Variants in ZC3H18 observed in about 807,000 individuals in gnomAD.
The protein encoded by ZC3H18 is zinc finger CCCH domain-containing protein 18.
Under a neutral mutation model 106.1 loss-of-function variants are expected in ZC3H18, and 8 were observed. The ratio of observed to expected loss-of-function variants is 0.08; its 90% CI spans 0.04 to 0.14. The LOEUF is 0.14. ZC3H18 is among the 10% of genes least tolerant of loss of function. The probability of loss-of-function intolerance (pLI) is 1.00; values close to 1 mark genes in which losing one functional copy is unlikely to be tolerated. For missense variants in ZC3H18, 1,318 were observed against 1,278.4 expected (o/e 1.03, Z -0.47); for synonymous variants, 635 against 522.1 (o/e 1.22, Z -2.95).
intron 7 of ZC3H18, among the ~76,000 whole-genome samples, chr16:88,610,573 G>A (rs1417127178): frequency 6.6e-6 from 1 of 152,314 alleles, no homozygotes; most frequent in Non-Finnish European, 1.5e-5. Context: ...GGCTCGGGGT[G>A]CACCCTGCAT....
At chr16:88,584,483 G>C (rs1191862463) in intron 2 of ZC3H18, among the ~76,000 whole-genome samples, 6 of 151,972 alleles carry the variant, frequency 3.9e-5, no homozygotes, top group African/African-American at 1.5e-4. Context: ...GCTAAATGGT[G>C]GTTAGTTGAA....
At chr16:88,600,648 A>AGTG (rs912943958) in intron 6 of ZC3H18, among the ~76,000 whole-genome samples, 1 of 152,174 alleles carries the variant, frequency 6.6e-6, no homozygotes, top group Non-Finnish European at 1.5e-5. Context: ...CCTGACCTCA[A>AGTG]GTGATCCACC....
chr16:88,583,637 C>T (rs1320547273), intron 2 of ZC3H18, among the ~76,000 whole-genome samples: 1 of 152,196 alleles, frequency 6.6e-6, no homozygotes, highest in Admixed American at 6.5e-5. Flanking sequence ...TGTCCTTTAT[C>T]CACGTGTGTA....
At chr16:88,593,773 A>G (rs1904310514) in intron 3 of ZC3H18, among the ~76,000 whole-genome samples, 1 of 152,236 alleles carries the variant, frequency 6.6e-6, no homozygotes, top group Non-Finnish European at 1.5e-5. Flanking sequence ...AAGGAGAACA[A>G]CGGACAGTGT....
In ZC3H18 at chr16:88,585,901, C is replaced by A. The variant is rs1282397245; in HGVS notation, c.604-699C>A. 2.6e-5 allele frequency among the ~76,000 whole-genome samples: 4 copies of A among 151,996 alleles called. No homozygotes were observed. The East Asian group carries it at 5.8e-4, about 22-fold the overall frequency. On this transcript the variant is annotated intron_variant, in intron 2 of 17. Transcript: ENST00000301011. ...ACTTCCATCTTGGATGGTCCTGTGTCAGGGATGTCAGGTGGGCAGCTGGTG... is the reference window on the plus strand; with the variant it reads ...ACTTCCATCTTGGATGGTCCTGTGTAAGGGATGTCAGGTGGGCAGCTGGTG...
chr16:88,631,343 A>G lies in ZC3H18; in HGVS notation c.*44A>G. The G allele has an allele frequency of 6.4e-7, 1 of 1,550,686 alleles. No individual in the cohort carries two copies. ...TGGACGCATTTTTATACATAGGGTA[A>G]GCGCAGCCATTTTGGATTTTGCAGT... On this transcript the variant is annotated 3_prime_UTR_variant, in exon 18 of 18. Coordinates refer to ENST00000301011, the MANE Select transcript of ZC3H18 (RefSeq NM_144604.4).
intron 2 of ZC3H18, among the ~76,000 whole-genome samples, chr16:88,578,804 C>T (rs972675810): frequency 2.0e-5 from 3 of 152,194 alleles, no homozygotes; most frequent in African/African-American, 4.8e-5. Flanking sequence ...AATTATCCTG[C>T]CTCAGCCTCC....
chr16:88,616,542 G>A (rs1472700090), intron 8 of ZC3H18, among the ~76,000 whole-genome samples: 2 of 152,208 alleles, frequency 1.3e-5, no homozygotes, highest in East Asian at 3.9e-4. Context: ...CCTGCCTGGA[G>A]GACAAGGGTT....
intron 2 of ZC3H18, among the ~76,000 whole-genome samples, chr16:88,584,764 A>T (rs192225561): frequency 6.6e-6 from 1 of 152,108 alleles, no homozygotes; most frequent in African/African-American, 2.4e-5. Flanking sequence ...AGGTGGTTAC[A>T]TTGTTCTCCT....
chr16:88,627,650 G>A lies in ZC3H18; in HGVS notation c.2137G>A (p.Val713Met), dbSNP rs1906395341. Reference protein sequence around the residue: ...RSLSVSSVSSVSSATSSSSSA... With the variant: ...RSLSVSSVSSMSSATSSSSSA... ...CCTGAGCGTGAGCAGCGTCTCCTCAGTGTCCAGTGCTACGTCGAGCAGCAG... is the reference window on the plus strand; with the variant it reads ...CCTGAGCGTGAGCAGCGTCTCCTCAATGTCCAGTGCTACGTCGAGCAGCAG... Residue 713 changes from valine (V) to methionine (M), a missense_variant, in exon 14 of 18, where the codon GTG (valine) becomes ATG (methionine). Transcript: ENST00000301011. This position sits in a 1 kb window ranked among gnomAD's most constrained non-coding sequence, Gnocchi z 4.5. 1.9e-6 allele frequency: 3 copies of A among 1,609,022 alleles called. No homozygotes were observed. Among genetic ancestry groups the A allele is most frequent in the Non-Finnish European group, 2.6e-6 (3 of 1,175,986 alleles).
chr16:88,615,375 C>T (rs2142767025), intron 8 of ZC3H18, among the ~76,000 whole-genome samples: 1 of 152,324 alleles, frequency 6.6e-6, no homozygotes, highest in Admixed American at 6.5e-5. Flanking sequence ...ATCTGGAGCC[C>T]TTGCAGCAGA....
chr16:88,605,462 C>G (rs1413897106), intron 6 of ZC3H18, among the ~76,000 whole-genome samples: 1 of 152,254 alleles, frequency 6.6e-6, no homozygotes, highest in African/African-American at 2.4e-5. Flanking sequence ...CGTCGCTGCT[C>G]CCTTTGTGAG....
At chr16:88,579,168 T>C (rs779027085) in intron 2 of ZC3H18, among the ~76,000 whole-genome samples, 2 of 152,226 alleles carry the variant, frequency 1.3e-5, no homozygotes, top group East Asian at 3.8e-4. Flanking sequence ...AGATGTTTCA[T>C]CTTTCCGCAG....
chr16:88,625,307 G>A (rs768559228), intron 13 of ZC3H18, 40 bp downstream of exon 13: 9 of 1,557,326 alleles, frequency 5.8e-6, no homozygotes, highest in Middle Eastern at 1.7e-4. Context: ...CTCCCTCCCC[G>A]TCGGGGCCAG....
chr16:88,594,922 C>T (rs1270093689), intron 3 of ZC3H18, among the ~76,000 whole-genome samples: 2 of 152,040 alleles, frequency 1.3e-5, no homozygotes, highest in African/African-American at 4.8e-5. Flanking sequence ...GAGGCCGAGG[C>T]GGGCGGATCA....
Position 88,577,579 on chromosome 16 carries a change from T to A in ZC3H18, c.456T>A (p.Ala152=). Residue 152 remains alanine, a synonymous_variant, in exon 2 of 18, where the codon GCT becomes GCA. Coordinates refer to ENST00000301011, the MANE Select transcript of ZC3H18 (RefSeq NM_144604.4). ...VQEDEAEKAG[A]EDDEEKGEGT... ...AGGACGAGGCTGAGAAAGCGGGGGC[T>A]GAGGATGATGAGGAGAAAGGCGAAG... is the stretch of plus-strand genomic sequence containing the variant. 1 of 1,613,212 alleles carries A rather than the reference T, an allele frequency of 6.2e-7. No homozygotes were observed. Among genetic ancestry groups the A allele is most frequent in the African/African-American group, 1.3e-5 (1 of 74,882 alleles).
At chr16:88,604,844 C>T (rs1338441848) in intron 6 of ZC3H18, among the ~76,000 whole-genome samples, 1 of 152,142 alleles carries the variant, frequency 6.6e-6, no homozygotes, top group Non-Finnish European at 1.5e-5. Flanking sequence ...CAGTAGTAGC[C>T]CCACCGTGAA....
At chr16:88,573,532 G>T (rs1170137675) in intron 1 of ZC3H18, among the ~76,000 whole-genome samples, 1 of 151,918 alleles carries the variant, frequency 6.6e-6, no homozygotes, top group Non-Finnish European at 1.5e-5. Context: ...ACTGTTTGGG[G>T]ATCAGCTCCT....
rs1906390020 is a variant in ZC3H18 at position 88,627,587 on chromosome 16, G to A, written c.2109-35G>A. ...CCCTGCTGGCCCCTCCCTCCAGTCTGGCTGGGGTGTGGTGAGATGTGCTTG... is the reference window on the plus strand; with the variant it reads ...CCCTGCTGGCCCCTCCCTCCAGTCTAGCTGGGGTGTGGTGAGATGTGCTTG... On this transcript the variant is annotated intron_variant, in intron 13 of 17. Coordinates refer to ENST00000301011, the MANE Select transcript of ZC3H18 (RefSeq NM_144604.4). The surrounding 1 kb of genome is among the most constrained non-coding windows in gnomAD (Gnocchi z 4.5). 6.4e-7 allele frequency: 1 copy of A among 1,573,362 alleles called. No individual in the cohort carries two copies. The highest frequency in any genetic ancestry group is 8.7e-7 in the Non-Finnish European group (1 of 1,153,568).
Sources: allele counts gnomAD v4.1 joint callset (sites outside exome capture counted in the v4.1 genomes callset), GRCh38; gene constraint gnomAD v4.1.1; non-coding constraint Gnocchi (gnomAD v3.1); transcripts MANE v1.5; gene names NCBI Gene and HGNC (gene_info 2026-07-23, HGNC 2026-07-21).